The following SLC22A25 variants were observed in gnomAD, a reference collection of about 807,000 sequenced individuals.
SLC22A25 encodes MGI:2442751, MGI:2385316, MGI:3042283, MGI:3645714, MGI:3605624, MGI:2442750.
In SLC22A25, 44 loss-of-function variants were observed where a neutral mutation model predicts 45.9. The observed-to-expected ratio is 0.96, with a 90% CI of 0.75 to 1.23. The LOEUF (loss-of-function observed/expected upper bound fraction) is 1.23. SLC22A25 is among the 50% of genes most tolerant of loss of function. SLC22A25 has a pLI of 0.00. For missense variants in SLC22A25, 800 were observed against 666.4 expected (o/e 1.20, Z -2.21); for synonymous variants, 283 against 238.6 (o/e 1.19, Z -1.72).
chr11:63,236,423 G>C (rs1358334822), intron 3 of SLC22A25, among the ~76,000 whole-genome samples: 1 of 152,182 alleles, frequency 6.6e-6, no homozygotes, highest in Non-Finnish European at 1.5e-5. Context: ...AGGCTCTATG[G>C]GCATAGGAAC....
intron 5 of SLC22A25, among the ~76,000 whole-genome samples, chr11:63,222,175 G>T (rs749244328): frequency 4.6e-5 from 7 of 152,054 alleles, no homozygotes; most frequent in Non-Finnish European, 8.8e-5. Flanking sequence ...TAATGTAATT[G>T]GTATTTTGAT....
At chr11:63,225,138 AT>A (rs2089933517) in intron 5 of SLC22A25, among the ~76,000 whole-genome samples, 1 of 152,116 alleles carries the variant, frequency 6.6e-6, no homozygotes, top group Non-Finnish European at 1.5e-5. Context: ...ATAAAATAAA[AT>A]AAAAAAGTTG....
At chr11:63,194,889 G>GAAAAAAAAAAAA (rs1565091135) in intron 7 of SLC22A25, among the ~76,000 whole-genome samples, 1 of 14,288 alleles carries the variant, frequency 7.0e-5, no homozygotes, top group Non-Finnish European at 1.4e-4. Flanking sequence ...CAAATGGAAA[G>GAAAAAAAAAAAA]CAAAAAAAAA....
Position 63,163,991 on chromosome 11 carries a change from A to G in SLC22A25, c.1477T>C (p.Ser493Pro), listed in dbSNP as rs1435568427. 1.9e-6 allele frequency: 3 copies of G among 1,613,912 alleles called. No homozygotes were observed. The South Asian group carries it at 3.3e-5, about 18-fold the overall frequency. ...TAGATGATCCAGGGCAGGGGTCGAG[A>G]ATATATGCTTAGGATCATCATGAGG... ...ASLMMILSIY[S>P]RPLPWIIYGV... The change falls in exon 12 of 12, where the codon TCT (serine) becomes CCT (proline). Residue 493 changes from serine to proline, a missense_variant. Ser to Pro is a moderately conservative substitution (Grantham distance 74). Transcript: ENST00000306494.
intron 7 of SLC22A25, among the ~76,000 whole-genome samples, chr11:63,202,359 G>A (rs1455584822): frequency 6.6e-6 from 1 of 152,116 alleles, no homozygotes; most frequent in Admixed American, 6.5e-5. Context: ...GTCTAGCTCA[G>A]TAGATCCCAC....
At chr11:63,218,198 A>G in intron 5 of SLC22A25, 1 of 399,966 alleles carries the variant, frequency 2.5e-6, no homozygotes, top group Admixed American at 2.9e-5. Context: ...CTTCTGCAGC[A>G]ACATGGATGC....
chr11:63,197,520 T>C (rs879359588), intron 7 of SLC22A25, among the ~76,000 whole-genome samples: 1 of 152,138 alleles, frequency 6.6e-6, no homozygotes, highest in Non-Finnish European at 1.5e-5. Context: ...TGGCTAGCCA[T>C]ATGTAGAAAG....
At chr11:63,173,659 G>A (rs1236833430) in intron 9 of SLC22A25, among the ~76,000 whole-genome samples, 1 of 152,066 alleles carries the variant, frequency 6.6e-6, no homozygotes, top group Non-Finnish European at 1.5e-5. Context: ...GTACAATTCA[G>A]GCATTTGCCT....
chr11:63,199,747 G>C (rs1413122223), intron 7 of SLC22A25, among the ~76,000 whole-genome samples: 1 of 151,886 alleles, frequency 6.6e-6, no homozygotes, highest in Non-Finnish European at 1.5e-5. Context: ...AAAAAATGCA[G>C]CAAGACAACC....
At chr11:63,227,196 T>C (rs1453960267) in intron 5 of SLC22A25, among the ~76,000 whole-genome samples, 1 of 151,958 alleles carries the variant, frequency 6.6e-6, no homozygotes, top group African/African-American at 2.4e-5. Flanking sequence ...CCCTCTCCTT[T>C]TCTCAAGCAG....
chr11:63,206,467 T>C (rs535309119), intron 7 of SLC22A25, among the ~76,000 whole-genome samples: 18 of 152,252 alleles, frequency 1.2e-4, no homozygotes, highest in African/African-American at 4.1e-4. Flanking sequence ...TGTGCAAAAA[T>C]CACAAGCATT....
At chr11:63,191,151 T>A (rs1402947524) in intron 7 of SLC22A25, among the ~76,000 whole-genome samples, 4 of 152,158 alleles carry the variant, frequency 2.6e-5, no homozygotes, top group African/African-American at 7.2e-5. Flanking sequence ...AGATGTGGAG[T>A]CTACAAAGGC....
chr11:63,186,470 A>G (rs1341553219), intron 7 of SLC22A25, among the ~76,000 whole-genome samples: 107 of 150,756 alleles, frequency 7.1e-4, no homozygotes, highest in Non-Finnish European at 1.3e-3. Context: ...GTAGATTGCA[A>G]AAATTTTCTC....
chr11:63,222,266 A>C (rs753464625), intron 5 of SLC22A25, among the ~76,000 whole-genome samples: 31 of 152,112 alleles, frequency 2.0e-4, no homozygotes, highest in Non-Finnish European at 3.4e-4. Context: ...ACGGACATGA[A>C]TATCTTTCCA....
At chr11:63,225,135 A>C (rs1422552634) in intron 5 of SLC22A25, among the ~76,000 whole-genome samples, 2 of 152,124 alleles carry the variant, frequency 1.3e-5, no homozygotes, top group Non-Finnish European at 2.9e-5. Flanking sequence ...AAAATAAAAT[A>C]AAATAAAAAA....
At chr11:63,190,080 G>T (rs189494771) in intron 7 of SLC22A25, among the ~76,000 whole-genome samples, 2 of 152,236 alleles carry the variant, frequency 1.3e-5, no homozygotes, top group East Asian at 3.9e-4. Context: ...TCCTGAATTT[G>T]AATGTTGGCC....
chr11:63,208,802 C>T (rs914054294), intron 7 of SLC22A25, among the ~76,000 whole-genome samples: 2 of 151,578 alleles, frequency 1.3e-5, no homozygotes, highest in African/African-American at 4.9e-5. Flanking sequence ...CTGATAGGAC[C>T]AGCTTCATGG....
chr11:63,173,512 A>G lies in SLC22A25; in HGVS notation c.1070+7148T>C, dbSNP rs2134719940. Among the ~76,000 whole-genome samples, 3 of 152,228 alleles carry G rather than the reference A, an allele frequency of 2.0e-5. No individual in the cohort carries two copies. In the South Asian group the frequency reaches 6.2e-4, roughly 32 times the overall value. On this transcript the variant is annotated intron_variant, in intron 9 of 11. Transcript: ENST00000306494. ...TTGAATTCAAGTTTAACTTTCTTAT[A>G]CCAGAGGCAGGGCTCAGTCACCCTT...
At chr11:63,204,650 C>T (rs947571494) in intron 7 of SLC22A25, among the ~76,000 whole-genome samples, 1 of 152,094 alleles carries the variant, frequency 6.6e-6, no homozygotes, top group Non-Finnish European at 1.5e-5. Flanking sequence ...GGAGCACCCA[C>T]ATTCATAAAG....
Sources: gnomAD v4.1 joint callset for allele counts (sites outside exome capture counted in the v4.1 genomes callset) on GRCh38, gnomAD v4.1.1 for gene constraint, MANE v1.5 for transcripts, NCBI Gene and HGNC (gene_info 2026-07-23, HGNC 2026-07-21) for gene names.